RAVER2: variants seen among roughly 807,000 people sequenced by gnomAD.
RAVER2 encodes the protein ribonucleoprotein, PTB binding 2, also known as ribonucleoprotein PTB-binding 2.
RAVER2 carries 46 observed loss-of-function variants against 78.1 expected under a neutral mutation model. That is an observed-to-expected ratio of 0.59 (90% confidence interval 0.46 to 0.75). The LOEUF is 0.75. Among genes scored for constraint, RAVER2 ranks in the 30% least tolerant of loss-of-function variants. The pLI is 0.00. For missense variants in RAVER2, 793 were observed against 837.5 expected (o/e 0.95, Z 0.66); for synonymous variants, 311 against 313.3 (o/e 0.99, Z 0.08).
chr1:64,755,976 A>G (rs978221353), intron 1 of RAVER2, among the ~76,000 whole-genome samples: 3 of 152,070 alleles, frequency 2.0e-5, no homozygotes, highest in African/African-American at 4.8e-5. Context: ...CATAACTGCA[A>G]TGCTACCCTC....
intron 1 of RAVER2, among the ~76,000 whole-genome samples, chr1:64,746,766 G>A (rs61784678): frequency 0.018 from 2,814 of 152,160 alleles, 33 homozygotes; most frequent in Non-Finnish European, 0.026. Context: ...ACCTGTTAAG[G>A]ACACCTGCAA....
At chr1:64,832,342 A>C (rs552813401) in exon 12 of RAVER2, 49 of 152,560 alleles carry the variant, frequency 3.2e-4, no homozygotes, top group African/African-American at 1.1e-3. Context: ...CAGTTATTTA[A>C]CCCAATTTAC....
intron 9 of RAVER2, among the ~76,000 whole-genome samples, chr1:64,811,227 C>T (rs571018193): frequency 6.6e-6 from 1 of 152,188 alleles, no homozygotes; most frequent in South Asian, 2.1e-4. Context: ...TTTGTAGCTA[C>T]TTCCTGTTGC....
At chr1:64,807,234 G>A (rs1184041336) in exon 9 of RAVER2, 9 of 1,613,736 alleles carry the variant, frequency 5.6e-6, no homozygotes, top group Middle Eastern at 1.6e-4. Context: ...CTCAAACAAC[G>A]ATAACAGCTG....
Position 64,781,426 on chromosome 1 carries a change from AAT to A in RAVER2, c.837_838del (p.Tyr279Ter). ...TACGTTGGTGGCTTTGCAGTGGTTG[AAT>A]ATAGCACTGCGGAGCAGGCTGAAGA... On this transcript the variant is annotated frameshift_variant, in exon 4 of 12. Coordinates refer to ENST00000294428, the Ensembl canonical transcript of RAVER2. LOFTEE classifies it high-confidence loss of function. 6.2e-7 allele frequency: 1 copy of A among 1,613,114 alleles called. No individual in the cohort carries two copies. The highest frequency in any genetic ancestry group is 8.5e-7 in the Non-Finnish European group (1 of 1,179,626).
chr1:64,830,688 C>T, intron 11 of RAVER2, 151 bp from the exon 12 acceptor site: 1 of 663,718 alleles, frequency 1.5e-6, no homozygotes, highest in Non-Finnish European at 2.4e-6. Context: ...TCTTATTTAA[C>T]AAAGGGGTTT....
intron 1 of RAVER2, among the ~76,000 whole-genome samples, chr1:64,747,046 C>T (rs1196331611): frequency 6.6e-6 from 1 of 152,170 alleles, no homozygotes; most frequent in Non-Finnish European, 1.5e-5. Context: ...TCTGTCTATT[C>T]TTGCTTTGCT....
intron 5 of RAVER2, among the ~76,000 whole-genome samples, chr1:64,790,668 T>C (rs923111012): frequency 1.3e-5 from 2 of 152,252 alleles, no homozygotes; most frequent in African/African-American, 2.4e-5. Context: ...ATAGCGTATA[T>C]AAATTTTGGT....
rs1221667265 is a variant in RAVER2 at position 64,798,100 on chromosome 1, C to A, written c.1106-4876C>A. ...CCCCCCACCCCACCACAGTCCCCAGCGTGTGATATTCCCCTTCCTGTGTCC... is the reference window on the plus strand; with the variant it reads ...CCCCCCACCCCACCACAGTCCCCAGAGTGTGATATTCCCCTTCCTGTGTCC... On this transcript the variant is annotated intron_variant, in intron 5 of 11. Coordinates refer to ENST00000294428, the Ensembl canonical transcript of RAVER2. 2.1e-3 allele frequency among the ~76,000 whole-genome samples: 258 copies of A among 120,666 alleles called. 2 individuals are homozygous for A. The highest frequency in any genetic ancestry group is 3.2e-3 in the Non-Finnish European group (191 of 59,848). The allele number at this position is 120,666 out of a possible 152,430, so 79.2% of individuals were successfully genotyped here.
At chr1:64,802,566 T>C (rs1653298865) in intron 5 of RAVER2, among the ~76,000 whole-genome samples, 1 of 152,232 alleles carries the variant, frequency 6.6e-6, no homozygotes, top group African/African-American at 2.4e-5. Context: ...AATTGGATTT[T>C]ATGTAAGCTT....
At chr1:64,825,160 C>T (rs1189319581) in intron 11 of RAVER2, among the ~76,000 whole-genome samples, 1 of 151,842 alleles carries the variant, frequency 6.6e-6, no homozygotes, top group Non-Finnish European at 1.5e-5. Context: ...GATTTTGAAA[C>T]ATTTTTAACA....
chr1:64,804,934 C>CT, intron 7 of RAVER2, 57 bp from the exon 8 acceptor site: 5 of 1,558,428 alleles, frequency 3.2e-6, no homozygotes, highest in Non-Finnish European at 4.4e-6. Flanking sequence ...ACGTGTGTAG[C>CT]TTTTTTTAGG....
chr1:64,798,687 A>G (rs191881132), intron 5 of RAVER2, among the ~76,000 whole-genome samples: 1 of 152,330 alleles, frequency 6.6e-6, no homozygotes, highest in Non-Finnish European at 1.5e-5. Context: ...CCAGGTGGTC[A>G]TTAATTTAAC....
chr1:64,819,443 A>G (rs1255818332), intron 11 of RAVER2, among the ~76,000 whole-genome samples: 3 of 152,164 alleles, frequency 2.0e-5, no homozygotes, highest in Non-Finnish European at 4.4e-5. Context: ...AACACAAAGA[A>G]AAGAGATTTT....
chr1:64,802,594 T>C (rs1653299669), intron 5 of RAVER2, among the ~76,000 whole-genome samples: 1 of 152,236 alleles, frequency 6.6e-6, no homozygotes, highest in Admixed American at 6.5e-5. Context: ...ACAAGGATTG[T>C]ATCTTGTCCC....
At chr1:64,805,192 A>G in intron 8 of RAVER2, 87 bp downstream of exon 8, 1 of 1,240,434 alleles carries the variant, frequency 8.1e-7, no homozygotes, top group South Asian at 1.4e-5. Context: ...TTTTATTTAC[A>G]GGGAGGTCAA....
chr1:64,754,043 A>G (rs894004732), intron 1 of RAVER2, among the ~76,000 whole-genome samples: 8 of 152,210 alleles, frequency 5.3e-5, no homozygotes, highest in African/African-American at 1.4e-4. Context: ...CTGGATGTCT[A>G]TAATAATAAT....
At chr1:64,816,744 A>C (rs1429575811) in intron 11 of RAVER2, among the ~76,000 whole-genome samples, 1 of 152,224 alleles carries the variant, frequency 6.6e-6, no homozygotes, top group Non-Finnish European at 1.5e-5. Flanking sequence ...ACCTTATACA[A>C]AAATCAATTC....
intron 9 of RAVER2, among the ~76,000 whole-genome samples, chr1:64,811,156 G>T (rs1343879231): frequency 6.6e-6 from 1 of 152,106 alleles, no homozygotes; most frequent in Admixed American, 6.5e-5. Flanking sequence ...AAATAAAGAT[G>T]CAGTATTAAA....
Sources: allele counts gnomAD v4.1 joint callset (sites outside exome capture counted in the v4.1 genomes callset), GRCh38; gene constraint gnomAD v4.1.1; transcripts MANE v1.5; gene names NCBI Gene and HGNC (gene_info 2026-07-23, HGNC 2026-07-21).